The following CUTC variants were observed in gnomAD, a reference collection of about 807,000 sequenced individuals.
The protein encoded by CUTC is copper homeostasis protein cutC homolog.
A neutral mutation model predicts 36.2 loss-of-function variants in CUTC; 27 were observed. The ratio of observed to expected loss-of-function variants is 0.75; its 90% CI spans 0.55 to 1.03. The LOEUF (loss-of-function observed/expected upper bound fraction) is 1.03. Among genes scored for constraint, CUTC ranks in the 50% least tolerant of loss-of-function variants. The probability of loss-of-function intolerance (pLI) is 0.00; values close to 1 mark genes in which losing one functional copy is unlikely to be tolerated. For synonymous variants in CUTC, 114 were observed against 118.3 expected (o/e 0.96, Z 0.24); for missense variants, 315 against 343.5 (o/e 0.92, Z 0.66).
At chr10:99,754,148 A>C (rs1440110428) in intron 7 of CUTC, among the ~76,000 whole-genome samples, 1 of 152,218 alleles carries the variant, frequency 6.6e-6, no homozygotes, top group African/African-American at 2.4e-5. Context: ...CTAGAGACAG[A>C]ACAGAGGTTC....
At chr10:99,739,632 A>G in intron 2 of CUTC, 78 bp from the exon 3 acceptor site, 1 of 1,329,494 alleles carries the variant, frequency 7.5e-7, no homozygotes, top group Non-Finnish European at 1.1e-6. Flanking sequence ...ATATTTGGAA[A>G]AAATATATAT....
rs776247573 is a variant in CUTC at position 99,732,328 on chromosome 10, C to T, written c.-21C>T. ...ATTCCAAGTGGAAACTGCAGGCGCA[C>T]GAGGGAGGAACGCGTGGAGCATGAA... On this transcript the variant is annotated 5_prime_UTR_variant, in exon 1 of 9. The change creates a new upstream start codon in the 5' untranslated region. Coordinates refer to ENST00000370476, the MANE Select transcript of CUTC (RefSeq NM_015960.3). 1.3e-6 allele frequency: 2 copies of T among 1,551,354 alleles called. No homozygotes were observed. Among genetic ancestry groups the T allele is most frequent in the South Asian group, 2.4e-5 (2 of 84,076 alleles).
rs1008259494 is a variant in CUTC, at chr10:99,736,423, C to G, written c.133+106C>G. 7.7e-6 allele frequency: 6 copies of G among 778,124 alleles called. No individual in the cohort carries two copies. The East Asian group carries it at 1.6e-4, about 21-fold the overall frequency. The allele number at this position is 778,124 out of a possible 1,614,324, so 48.2% of individuals were successfully genotyped here. A position where few individuals can be genotyped will look rare whatever the true frequency, so the allele number is the denominator to read the frequency against. Reference sequence around the variant, plus strand: ...GCCCTTGTGATCTCTAAGCATCCCTCATAATGCTTTCAGAAACAACCAATT... The same window carrying G: ...GCCCTTGTGATCTCTAAGCATCCCTGATAATGCTTTCAGAAACAACCAATT... On this transcript the variant is annotated intron_variant, in intron 2 of 8. Transcript: ENST00000370476.
rs1022332308 is a variant in CUTC, at chr10:99,734,567, A to G, written c.62-1679A>G. Among the ~76,000 whole-genome samples, 46 of 152,204 alleles carry G rather than the reference A, an allele frequency of 3.0e-4. 1 individual carries two copies. The highest frequency in any genetic ancestry group is 9.9e-4 in the African/African-American group (41 of 41,456). On this transcript the variant is annotated intron_variant, in intron 1 of 8. Coordinates refer to ENST00000370476, the MANE Select transcript of CUTC (RefSeq NM_015960.3). The stretch of plus-strand genomic sequence containing the variant: ...AAATCACACCCCACCAGAAGTGACC[A>G]TTACCAGTATGTGAGGAACATTCTA...
At chr10:99,733,192 C>T (rs1332284515) in intron 1 of CUTC, among the ~76,000 whole-genome samples, 1 of 152,086 alleles carries the variant, frequency 6.6e-6, no homozygotes, top group East Asian at 1.9e-4. Flanking sequence ...GCCTGTAATA[C>T]CAGTTACTCG....
chr10:99,740,819 G>A (rs933328646), intron 3 of CUTC, among the ~76,000 whole-genome samples: 2 of 152,118 alleles, frequency 1.3e-5, no homozygotes, highest in Admixed American at 1.3e-4. Context: ...AGTTGCTATT[G>A]TTTTGTCCTT....
chr10:99,739,718 C>G lies in CUTC; in HGVS notation c.142C>G (p.Arg48Gly), dbSNP rs140301005. The change falls in exon 3 of 9, where the codon CGG becomes GGG. Residue 48 changes from arginine to glycine, a missense_variant. By Grantham distance (125) the Arg-to-Gly change is moderately radical. Transcript: ENST00000370476. ...AVNAERGGADRIELCSGLSEG... is the reference protein window; with the variant it reads ...AVNAERGGADGIELCSGLSEG... ...ATGCTTTTATATTACAGGTGCTGAT[C>G]GGATTGAATTATGTTCTGGTTTATC... 6.2e-7 allele frequency: 1 copy of G among 1,610,340 alleles called. No individual in the cohort carries two copies. Among genetic ancestry groups the G allele is most frequent in the Non-Finnish European group, 8.5e-7 (1 of 1,178,732 alleles).
intron 2 of CUTC, among the ~76,000 whole-genome samples, chr10:99,737,099 G>A (rs2037303063): frequency 6.6e-6 from 1 of 151,950 alleles, no homozygotes; most frequent in Admixed American, 6.6e-5. Context: ...GCAAAACCCT[G>A]TCTCAACAAA....
chr10:99,735,067 A>C (rs549404187), intron 1 of CUTC, among the ~76,000 whole-genome samples: 2 of 133,606 alleles, frequency 1.5e-5, no homozygotes, highest in East Asian at 5.0e-4. Context: ...ATGCCACTGC[A>C]CTCTAGCCTG....
intron 7 of CUTC, among the ~76,000 whole-genome samples, chr10:99,752,000 G>A (rs1232471719): frequency 1.3e-5 from 2 of 152,168 alleles, no homozygotes; most frequent in African/African-American, 2.4e-5. Flanking sequence ...CATGAGGTTT[G>A]AATAGACTCT....
rs545454509 is a variant in CUTC, at chr10:99,733,760, C to G, written c.61+1351C>G. 1.2e-4 allele frequency among the ~76,000 whole-genome samples: 18 copies of G among 152,310 alleles called. No individual in the cohort carries two copies. The South Asian group carries it at 3.7e-3, about 32-fold the overall frequency. ...AAGTCTCAGAGGCTCCCAAAGCTCT[C>G]TGGACTACTACACTTTGAGAACTGC... On this transcript the variant is annotated intron_variant, in intron 1 of 8. Transcript: ENST00000370476.
intron 2 of CUTC, among the ~76,000 whole-genome samples, chr10:99,739,250 T>C (rs1202265820): frequency 2.0e-5 from 3 of 152,192 alleles, no homozygotes; most frequent in Non-Finnish European, 4.4e-5. Context: ...AGCCTAATAA[T>C]TCTTTTGGTT....
chr10:99,738,096 G>A (rs1262828617), intron 2 of CUTC, among the ~76,000 whole-genome samples: 2 of 149,914 alleles, frequency 1.3e-5, no homozygotes, highest in African/African-American at 4.9e-5. Context: ...CGTGAGCCGA[G>A]ATCACGCCAT....
chr10:99,747,791 G>C (rs2037389942), intron 6 of CUTC, among the ~76,000 whole-genome samples: 1 of 152,148 alleles, frequency 6.6e-6, no homozygotes, highest in Non-Finnish European at 1.5e-5. Flanking sequence ...AGAGTGCTGG[G>C]ATTACAGGCA....
chr10:99,737,861 G>A (rs2037308956), intron 2 of CUTC, among the ~76,000 whole-genome samples: 1 of 121,910 alleles, frequency 8.2e-6, no homozygotes, highest in Non-Finnish European at 1.8e-5. Context: ...AAAAAATAAA[G>A]ACTCTTGCCG....
intron 7 of CUTC, among the ~76,000 whole-genome samples, chr10:99,753,441 A>C (rs964320517): frequency 1.3e-5 from 2 of 152,150 alleles, no homozygotes; most frequent in Non-Finnish European, 1.5e-5. Context: ...ACAGGGTCTC[A>C]CTGTGTCGCC....
chr10:99,741,732 ATTTG>A (rs531403647), intron 3 of CUTC, among the ~76,000 whole-genome samples: 3 of 151,770 alleles, frequency 2.0e-5, no homozygotes, highest in African/African-American at 4.8e-5. Flanking sequence ...GTCCAGCTAC[ATTTG>A]TTTGTTTGTT....
chr10:99,738,755 G>A (rs79690224), intron 2 of CUTC, among the ~76,000 whole-genome samples: 1,544 of 152,226 alleles, frequency 0.01, 22 homozygotes, highest in African/African-American at 0.034. Flanking sequence ...CATCACATCA[G>A]GAGGACATAA....
chr10:99,751,581 G>A (rs1243093468), intron 7 of CUTC, among the ~76,000 whole-genome samples: 1 of 152,034 alleles, frequency 6.6e-6, no homozygotes, highest in Non-Finnish European at 1.5e-5. Context: ...GTTTGGGCTG[G>A]GCCCAGTGGC....
Sources: allele counts gnomAD v4.1 joint callset (sites outside exome capture counted in the v4.1 genomes callset), GRCh38; gene constraint gnomAD v4.1.1; transcripts MANE v1.5; gene names NCBI Gene and HGNC (gene_info 2026-07-23, HGNC 2026-07-21).